Variants in GPR173 observed in about 807,000 individuals in gnomAD.
The protein encoded by GPR173 is G protein-coupled receptor 173.
GPR173 carries 2 observed loss-of-function variants against 13.9 expected under a neutral mutation model. That is an observed-to-expected ratio of 0.14 (90% CI 0.06 to 0.45). The LOEUF (loss-of-function observed/expected upper bound fraction) is 0.45, where lower values mean the gene tolerates loss of function less well. Among genes scored for constraint, GPR173 ranks in the 20% least tolerant of loss-of-function variants. GPR173 has a pLI of 0.98. For synonymous variants in GPR173, 131 were observed against 141.0 expected (o/e 0.93, Z 0.50); for missense variants, 202 against 340.5 (o/e 0.59, Z 3.20).
intron 1 of GPR173, among the ~76,000 whole-genome samples, chrX:53,054,796 G>C (rs1556803074): frequency 2.7e-5 from 3 of 110,280 alleles, no homozygotes; most frequent in African/African-American, 9.9e-5. Flanking sequence ...GTGTGTGTAA[G>C]AGAGTGTGGG....
intron 1 of GPR173, 140 bp from the exon 2 acceptor site, chrX:53,076,385 C>A (rs1556805792): frequency 3.0e-6 from 1 of 334,586 alleles, no homozygotes; most frequent in Non-Finnish European, 5.1e-6. Context: ...CTCTCTCTCT[C>A]TCTCTTTCCC....
At chrX:53,070,755 A>G (rs1932246412) in intron 1 of GPR173, among the ~76,000 whole-genome samples, 1 of 111,737 alleles carries the variant, frequency 8.9e-6, no homozygotes, top group Admixed American at 9.5e-5. Context: ...AAGTGCTGGG[A>G]TTACTGGTGT....
intron 1 of GPR173, among the ~76,000 whole-genome samples, chrX:53,071,733 G>T (rs1347816101): frequency 1.1e-4 from 12 of 112,312 alleles, no homozygotes; most frequent in African/African-American, 3.9e-4. Context: ...CTTTGTTGAG[G>T]ACGAAGCGCT....
In GPR173 at chrX:53,077,618, G is replaced by T; in HGVS notation, c.997G>T (p.Ala333Ser). 8.3e-7 allele frequency: 1 copy of T among 1,211,402 alleles called. No homozygotes were observed. Among genetic ancestry groups the T allele is most frequent in the Non-Finnish European group, 1.1e-6 (1 of 895,107 alleles). The change falls in exon 2 of 2, where the codon GCT (alanine) becomes TCT (serine). Residue 333 changes from alanine to serine, a missense_variant. Physicochemically the swap from Ala to Ser is moderately conservative, Grantham distance 99. Around this residue, in one of 3 missense-constraint regions of GPR173, gnomAD observed 76 missense variants for 116.3 expected, o/e 0.65. Coordinates refer to ENST00000332582, the MANE Select transcript of GPR173 (RefSeq NM_018969.6). The part of the protein sequence containing the change: ...ATAVWMSFAQ[A>S]AVNPIVCFLL... ...TGCTGTTTGGATGAGCTTCGCCCAG[G>T]CTGCCGTCAACCCAATTGTCTGCTT...
chrX:53,068,344 A>G (rs1232514479), intron 1 of GPR173, among the ~76,000 whole-genome samples: 1 of 111,740 alleles, frequency 8.9e-6, no homozygotes, highest in East Asian at 2.7e-4. Flanking sequence ...AGAAACACCT[A>G]ATACTATACT....
chrX:53,075,738 C>T (rs1432147981), intron 1 of GPR173, among the ~76,000 whole-genome samples: 7 of 110,599 alleles, frequency 6.3e-5, no homozygotes, highest in African/African-American at 2.3e-4. Context: ...TCCTGCCTCA[C>T]TCGTCTTCCT....
At chrX:53,055,957 A>G (rs1932029876) in intron 1 of GPR173, among the ~76,000 whole-genome samples, 1 of 107,019 alleles carries the variant, frequency 9.3e-6, no homozygotes, top group Non-Finnish European at 1.9e-5. Context: ...GTGTGGATGT[A>G]TTTGGCTTGG....
chrX:53,053,950 A>C (rs1232159598), intron 1 of GPR173, among the ~76,000 whole-genome samples: 1 of 111,936 alleles, frequency 8.9e-6, no homozygotes, highest in East Asian at 2.8e-4. Flanking sequence ...GCCTATTTAG[A>C]AAAAGATTCC....
chrX:53,072,323 C>T (rs1315121170), intron 1 of GPR173, among the ~76,000 whole-genome samples: 1 of 107,674 alleles, frequency 9.3e-6, no homozygotes, highest in Non-Finnish European at 1.9e-5. Flanking sequence ...CCCACCCCAC[C>T]CCGTCTCTAT....
Position 53,077,727 on chromosome X carries a change from C to A in GPR173, c.1106C>A (p.Pro369His). The A allele has an allele frequency of 8.3e-7, 1 of 1,207,227 alleles. No homozygotes were observed. Among genetic ancestry groups the A allele is most frequent in the Non-Finnish European group, 1.1e-6 (1 of 892,675 alleles). ...GGAGGTGCCCCGGCTCCCAGAGAAC[C>A]CTACTGTGTCATGTGAAGCAGGCTG... Reference protein sequence around the residue: ...GTGGAPAPREPYCVM With the variant: ...GTGGAPAPREHYCVM Residue 369 changes from proline (P) to histidine (H), a missense_variant, in exon 2 of 2, where the codon CCC becomes CAC. Transcript: ENST00000332582.
Position 53,079,768 on chromosome X carries a change from G to GCATA in GPR173, c.*2028_*2031dup, listed in dbSNP as rs1556806376. On this transcript the variant is annotated 3_prime_UTR_variant, in exon 2 of 2. Coordinates refer to ENST00000332582, the MANE Select transcript of GPR173 (RefSeq NM_018969.6). ...ATGGGGACAGATACAGCACGTGCAT[G>GCATA]CATACACACACACACACACACACCA... is the stretch of plus-strand genomic sequence containing the variant. 2 of 93,713 alleles carry GCATA rather than the reference G, an allele frequency of 2.1e-5. No homozygotes were observed. Among genetic ancestry groups the GCATA allele is most frequent in the African/African-American group, 1.8e-4 (2 of 10,992 alleles). The allele number at this position is 93,713 out of a possible 1,213,427, so 7.7% of individuals were successfully genotyped here.
intron 1 of GPR173, among the ~76,000 whole-genome samples, chrX:53,051,101 G>A (rs1322109669): frequency 8.9e-6 from 1 of 112,056 alleles, no homozygotes; most frequent in Non-Finnish European, 1.9e-5. Flanking sequence ...GAGATCACGG[G>A]GCTTCGGGTA....
At chrX:53,060,554 TGA>T (rs1556803667) in intron 1 of GPR173, among the ~76,000 whole-genome samples, 1 of 98,068 alleles carries the variant, frequency 1.0e-5, no homozygotes, top group Non-Finnish European at 2.0e-5. Context: ...CAATCCAGCC[TGA>T]GCAACAAGAG....
At chrX:53,056,275 G>A (rs1932036676) in intron 1 of GPR173, among the ~76,000 whole-genome samples, 2 of 110,279 alleles carry the variant, frequency 1.8e-5, no homozygotes, top group South Asian at 7.7e-4. Context: ...TTGTGTGAGA[G>A]GGTGTGGGTG....
At position 53,049,051 on chromosome X, in the gene GPR173, C is replaced by A; in HGVS notation, c.-531C>A. Reference sequence around the variant, plus strand: ...AGGACAAAAGGCGGCGGCCAGCAGGCAGACGGAGGGGGGGGGTGGGGGGTG... The same window carrying A: ...AGGACAAAAGGCGGCGGCCAGCAGGAAGACGGAGGGGGGGGGTGGGGGGTG... On this transcript the variant is annotated 5_prime_UTR_variant, in exon 1 of 2. Transcript: ENST00000332582. 1.9e-5 allele frequency: 1 copy of A among 53,148 alleles called. No individual in the cohort carries two copies. The highest frequency in any genetic ancestry group is 3.2e-5 in the Non-Finnish European group (1 of 30,896). 4.4% of individuals were successfully genotyped at this position (53,148 alleles called of 1,213,427 possible).
At chrX:53,061,178 G>A (rs1042263879) in intron 1 of GPR173, among the ~76,000 whole-genome samples, 2 of 107,086 alleles carry the variant, frequency 1.9e-5, no homozygotes, top group African/African-American at 6.8e-5. Context: ...AGCCGAGATT[G>A]CGCCACTGCA....
At chrX:53,073,233 A>AG (rs1324553203) in intron 1 of GPR173, among the ~76,000 whole-genome samples, 1 of 108,938 alleles carries the variant, frequency 9.2e-6, no homozygotes, top group East Asian at 2.9e-4. Flanking sequence ...AAAAAAAAAA[A>AG]AAAAGGCCGG....
intron 1 of GPR173, among the ~76,000 whole-genome samples, chrX:53,066,724 C>CATG (rs1932188580): frequency 9.3e-6 from 1 of 107,499 alleles, no homozygotes; most frequent in Non-Finnish European, 1.9e-5. Context: ...TCTTTTACCT[C>CATG]ATTATTATTA....
Position 53,077,623 on chromosome X carries a change from C to T in GPR173, c.1002C>T (p.Ala334=), listed in dbSNP as rs782383431. ...TTTGGATGAGCTTCGCCCAGGCTGC[C>T]GTCAACCCAATTGTCTGCTTCCTGC... is the stretch of plus-strand genomic sequence containing the variant. ...TAVWMSFAQA[A]VNPIVCFLLN... Residue 334 remains alanine (A), a synonymous_variant, in exon 2 of 2, where the codon GCC becomes GCT. Transcript: ENST00000332582. 8 of 1,211,079 alleles carry T rather than the reference C, an allele frequency of 6.6e-6. No homozygotes were observed. The South Asian group carries it at 8.8e-5, about 13-fold the overall frequency.
Sources: gnomAD v4.1 joint callset for allele counts (sites outside exome capture counted in the v4.1 genomes callset) on GRCh38, gnomAD v4.1.1 for gene constraint, gnomAD v4.1.1 regional missense constraint, MANE v1.5 for transcripts, NCBI Gene and HGNC (gene_info 2026-07-23, HGNC 2026-07-21) for gene names.